Variants in USP53 observed in about 807,000 individuals in gnomAD.
The protein encoded by USP53 is ubiquitin specific peptidase 53.
A neutral mutation model predicts 94.9 loss-of-function variants in USP53; 71 were observed. The observed-to-expected ratio is 0.75, with a 90% CI of 0.62 to 0.91. USP53 has a LOEUF of 0.91. Ranked by LOEUF, USP53 falls within the 40% of genes least tolerant of loss-of-function variation. USP53 has a pLI of 0.00. For synonymous variants in USP53, 375 were observed against 422.7 expected (o/e 0.89, Z 1.39); for missense variants, 1,173 against 1,281.0 (o/e 0.92, Z 1.29).
Position 119,256,465 on chromosome 4 carries a change from T to C in USP53, c.511T>C (p.Ser171Pro). The change falls in exon 9 of 19, where the codon TCG (serine) becomes CCG (proline). Residue 171 changes from serine (S) to proline (P), a missense_variant. Ser to Pro is a moderately conservative substitution (Grantham distance 74). Transcript: ENST00000692078. ...EQCVCRSCGASSDPLPFTEFV... is the reference protein window; with the variant it reads ...EQCVCRSCGAPSDPLPFTEFV... Reference sequence around the variant, plus strand: ...GTGTGTGTGTCGTAGCTGTGGAGCATCGTCAGATCCTCTACCTTTTACAGA... The same window carrying C: ...GTGTGTGTGTCGTAGCTGTGGAGCACCGTCAGATCCTCTACCTTTTACAGA... The C allele has an allele frequency of 2.5e-6, 4 of 1,614,132 alleles. No individual in the cohort carries two copies. The highest frequency in any genetic ancestry group is 3.4e-6 in the Non-Finnish European group (4 of 1,179,996).
At chr4:119,262,670 C>T (rs993538251) in intron 12 of USP53, among the ~76,000 whole-genome samples, 11 of 152,188 alleles carry the variant, frequency 7.2e-5, no homozygotes, top group Admixed American at 6.5e-4. Context: ...ATTGCTTTTG[C>T]TGTCTTGGGT....
chr4:119,213,660 A>ATATATATGTGTGTG, intron 1 of USP53, among the ~76,000 whole-genome samples: 1 of 117,790 alleles, frequency 8.5e-6, no homozygotes, highest in African/African-American at 3.6e-5. Context: ...ATATATATAT[A>ATATATATGTGTGTG]TGTGTGTGTG....
intron 4 of USP53, among the ~76,000 whole-genome samples, chr4:119,237,554 T>TAA (rs1171856012): frequency 7.3e-6 from 1 of 136,226 alleles, no homozygotes; most frequent in East Asian, 2.2e-4. Flanking sequence ...AAAAAATAAT[T>TAA]AAAAAAAAAA....
At chr4:119,286,016 C>T (rs1754066863) in intron 17 of USP53, among the ~76,000 whole-genome samples, 1 of 151,736 alleles carries the variant, frequency 6.6e-6, no homozygotes, top group African/African-American at 2.4e-5. Flanking sequence ...TTTGTAAAAT[C>T]CCCAAATTTA....
chr4:119,235,833 G>A (rs930173582), intron 4 of USP53, among the ~76,000 whole-genome samples: 2 of 152,086 alleles, frequency 1.3e-5, no homozygotes, highest in African/African-American at 2.4e-5. Context: ...ACCTCAATGA[G>A]ACCATCGTTC....
intron 7 of USP53, among the ~76,000 whole-genome samples, chr4:119,252,569 C>T (rs7676969): frequency 0.65 from 99,197 of 151,974 alleles, 32,420 homozygotes; most frequent in East Asian, 0.7. Flanking sequence ...CCTGTGGGAT[C>T]GGTGGTGATA....
chr4:119,265,456 A>G (rs1487901868), intron 12 of USP53, among the ~76,000 whole-genome samples: 3 of 152,286 alleles, frequency 2.0e-5, no homozygotes, highest in African/African-American at 7.2e-5. Context: ...TTTATTTTAT[A>G]TTCACATTGA....
At chr4:119,243,763 A>G (rs1255477915) in intron 5 of USP53, among the ~76,000 whole-genome samples, 2 of 152,220 alleles carry the variant, frequency 1.3e-5, no homozygotes, top group Non-Finnish European at 2.9e-5. Flanking sequence ...AGGGTATTTT[A>G]GCTGAATATT....
Position 119,268,259 on chromosome 4 carries a change from C to T in USP53, c.1136-9C>T, listed in dbSNP as rs1255893890. 6.9e-6 allele frequency: 11 copies of T among 1,585,022 alleles called. No individual in the cohort carries two copies. In the Admixed American group the frequency reaches 7.2e-5, roughly 10 times the overall value. ...AAAGGAATGATACATTTTTGCTTCT[C>T]TTTTTAAGGATGTGAAAAGCCTGTA... On this transcript the variant is annotated splice_polypyrimidine_tract_variant and intron_variant, in intron 13 of 18. Transcript: ENST00000692078.
intron 3 of USP53, chr4:119,217,990 C>A (rs1409524363): frequency 6.6e-6 from 1 of 152,140 alleles, no homozygotes; most frequent in Non-Finnish European, 1.5e-5. Context: ...AGATCTCTGT[C>A]TGCTCTCCAG....
chr4:119,288,955 A>T (rs1032040609), intron 17 of USP53, among the ~76,000 whole-genome samples: 2 of 151,964 alleles, frequency 1.3e-5, no homozygotes, highest in Admixed American at 6.6e-5. Context: ...AAAAAAAAAA[A>T]AAAAATACTG....
intron 18 of USP53, among the ~76,000 whole-genome samples, chr4:119,291,753 G>A (rs1754785418): frequency 6.6e-6 from 1 of 152,052 alleles, no homozygotes; most frequent in African/African-American, 2.4e-5. Flanking sequence ...TGATGTGGTG[G>A]TACATGTCTG....
intron 3 of USP53, among the ~76,000 whole-genome samples, chr4:119,228,897 A>G (rs1387904373): frequency 6.6e-6 from 1 of 152,224 alleles, no homozygotes; most frequent in Non-Finnish European, 1.5e-5. Context: ...ATAAATAGAA[A>G]AAGTAATATA....
intron 5 of USP53, among the ~76,000 whole-genome samples, chr4:119,244,164 G>A (rs768014573): frequency 7.9e-5 from 12 of 152,120 alleles, no homozygotes; most frequent in African/African-American, 1.7e-4. Flanking sequence ...ATGGATTTCC[G>A]TGTATTTTTT....
chr4:119,245,235 C>T (rs1197691500), intron 5 of USP53, 102 bp from the exon 6 acceptor site: 2 of 997,484 alleles, frequency 2.0e-6, no homozygotes, highest in Non-Finnish European at 3.1e-6. Context: ...AAAGAAGTTA[C>T]TTGTTCGCCT....
intron 10 of USP53, among the ~76,000 whole-genome samples, chr4:119,260,126 T>G (rs917281658): frequency 6.6e-6 from 1 of 152,200 alleles, no homozygotes; most frequent in Non-Finnish European, 1.5e-5. Flanking sequence ...GTGAAGCATA[T>G]ATTGATTAAA....
rs745815552 is a variant in USP53, at chr4:119,239,876, C to A, written c.117C>A (p.Asn39Lys). The change falls in exon 5 of 19, where the codon AAC becomes AAA. Residue 39 changes from asparagine (N) to lysine (K), a missense_variant. Coordinates refer to ENST00000692078, the MANE Select transcript of USP53 (RefSeq NM_001371395.1). Reference sequence around the variant, plus strand: ...GCTTGTTAAATGAACCAGGACAAAACAGCTGCTTTCTTAATAGCGCTGTAC... The same window carrying A: ...GCTTGTTAAATGAACCAGGACAAAAAAGCTGCTTTCTTAATAGCGCTGTAC... ...TKGLLNEPGQNSCFLNSAVQV... is the reference protein window; with the variant it reads ...TKGLLNEPGQKSCFLNSAVQV... The A allele has an allele frequency of 3.1e-6, 5 of 1,607,456 alleles. No individual in the cohort carries two copies. Among genetic ancestry groups the A allele is most frequent in the Non-Finnish European group, 4.2e-6 (5 of 1,177,220 alleles).
At chr4:119,265,083 A>G (rs1269509099) in intron 12 of USP53, among the ~76,000 whole-genome samples, 1 of 152,222 alleles carries the variant, frequency 6.6e-6, no homozygotes, top group Non-Finnish European at 1.5e-5. Context: ...GAAATTCTAG[A>G]AGGAAAAACA....
At chr4:119,278,345 C>A (rs951348208) in intron 17 of USP53, among the ~76,000 whole-genome samples, 4 of 151,456 alleles carry the variant, frequency 2.6e-5, no homozygotes, top group Non-Finnish European at 4.4e-5. Flanking sequence ...TATTTTATTT[C>A]TCCTTCACTT....
Sources: allele counts gnomAD v4.1 joint callset (sites outside exome capture counted in the v4.1 genomes callset), GRCh38; gene constraint gnomAD v4.1.1; transcripts MANE v1.5; gene names NCBI Gene and HGNC (gene_info 2026-07-23, HGNC 2026-07-21).